ATXN8OS: variants seen among roughly 807,000 people sequenced by gnomAD.
ATXN8OS encodes the protein ATXN8 opposite strand (non-protein coding).
chr13:70,162,964 T>C (rs1320347373), intron 4 of ATXN8OS, among the ~76,000 whole-genome samples: 1 of 152,180 alleles, frequency 6.6e-6, no homozygotes, highest in South Asian at 2.1e-4. Flanking sequence ...TCATAGCAAG[T>C]TGATGTTGGC....
chr13:70,107,652 T>G, upstream of ATXN8OS: 1 of 1,545,552 alleles, frequency 6.5e-7, no homozygotes, highest in South Asian at 1.3e-5. Flanking sequence ...TCCAGCGGAG[T>G]CGCAGAATGT....
At chr13:70,116,158 T>TA (rs5804476) in intron 2 of ATXN8OS, among the ~76,000 whole-genome samples, 20 of 147,386 alleles carry the variant, frequency 1.4e-4, no homozygotes, top group South Asian at 4.3e-4. Context: ...GTGTATCAGT[T>TA]AAAAAAAAAA....
intron 3 of ATXN8OS, among the ~76,000 whole-genome samples, chr13:70,147,067 T>C (rs1332614258): frequency 6.6e-6 from 1 of 152,162 alleles, no homozygotes; most frequent in African/African-American, 2.4e-5. Flanking sequence ...TGCCTTCTTT[T>C]GGATATGTTT....
At chr13:70,157,932 A>T (rs1390869854) in intron 4 of ATXN8OS, among the ~76,000 whole-genome samples, 1 of 152,192 alleles carries the variant, frequency 6.6e-6, no homozygotes, top group African/African-American at 2.4e-5. Flanking sequence ...CAATTAGTAC[A>T]TGCAGGAAAT....
At chr13:70,139,305 A>G (rs1182582580) in intron 3 of ATXN8OS, 1 of 553,688 alleles carries the variant, frequency 1.8e-6, no homozygotes, top group Non-Finnish European at 3.2e-6. Context: ...CCCTATTCCC[A>G]ATTCCTTGGC....
intron 4 of ATXN8OS, among the ~76,000 whole-genome samples, chr13:70,167,155 C>T (rs1353901222): frequency 6.6e-6 from 1 of 151,984 alleles, no homozygotes; most frequent in Non-Finnish European, 1.5e-5. Flanking sequence ...ACCCAGCCAT[C>T]CCATTACTGG....
intron 3 of ATXN8OS, among the ~76,000 whole-genome samples, chr13:70,143,651 A>G (rs1179668893): frequency 6.6e-6 from 1 of 152,062 alleles, no homozygotes; most frequent in Non-Finnish European, 1.5e-5. Flanking sequence ...TGGGTACCTC[A>G]CCTCTGTTTT....
intron 4 of ATXN8OS, among the ~76,000 whole-genome samples, chr13:70,152,522 A>G (rs2137499867): frequency 6.6e-6 from 1 of 151,886 alleles, no homozygotes; most frequent in African/African-American, 2.4e-5. Context: ...TGTTGTATTG[A>G]AGTTATTTGG....
At chr13:70,165,528 C>T (rs758351407) in intron 4 of ATXN8OS, among the ~76,000 whole-genome samples, 2 of 151,916 alleles carry the variant, frequency 1.3e-5, no homozygotes, top group Non-Finnish European at 2.9e-5. Context: ...TTCCGGCAAA[C>T]ATGACTCAAA....
chr13:70,148,479 C>A (rs1888819721), intron 4 of ATXN8OS, among the ~76,000 whole-genome samples: 2 of 152,056 alleles, frequency 1.3e-5, no homozygotes, highest in African/African-American at 4.8e-5. Context: ...ATGTTCAACA[C>A]CACCTGTCTC....
intron 2 of ATXN8OS, among the ~76,000 whole-genome samples, chr13:70,118,259 T>C (rs916038847): frequency 2.0e-5 from 3 of 152,092 alleles, no homozygotes; most frequent in African/African-American, 7.2e-5. Context: ...GGCAATAGTC[T>C]GTAAGGAACT....
intron 3 of ATXN8OS, chr13:70,130,916 T>A (rs1216659030): frequency 2.5e-6 from 1 of 398,300 alleles, no homozygotes; most frequent in Non-Finnish European, 4.4e-6. Context: ...GATAAATCTC[T>A]CATGTTAACT....
intron 4 of ATXN8OS, among the ~76,000 whole-genome samples, chr13:70,162,291 T>G (rs1434121232): frequency 6.6e-6 from 1 of 152,012 alleles, no homozygotes; most frequent in East Asian, 1.9e-4. Flanking sequence ...GACGCAGAAT[T>G]CAGCACCTCA....
rs79919543 is a variant in ATXN8OS, at chr13:70,120,572, T to C, written n.398+5274T>C. On this transcript the variant is annotated intron_variant and non_coding_transcript_variant, in intron 2 of 4. Coordinates refer to ENST00000678624, the Ensembl canonical transcript of ATXN8OS. ...CTATAAAGCAAGCTTCCACTATCCA[T>C]ACAGAGCTTGCACTTTATTTAGTGA... 4.6e-3 allele frequency among the ~76,000 whole-genome samples: 693 copies of C among 152,242 alleles called. 9 individuals are homozygous for C. The highest frequency in any genetic ancestry group is 0.015 in the African/African-American group (636 of 41,548).
chr13:70,139,597 T>C (rs1888678488), intron 3 of ATXN8OS, among the ~76,000 whole-genome samples: 1 of 152,156 alleles, frequency 6.6e-6, no homozygotes, highest in African/African-American at 2.4e-5. Flanking sequence ...AGTTGCTCTC[T>C]CTTGTGCATT....
intron 2 of ATXN8OS, among the ~76,000 whole-genome samples, chr13:70,124,607 C>T (rs1023077915): frequency 2.0e-5 from 3 of 152,058 alleles, no homozygotes; most frequent in Non-Finnish European, 4.4e-5. Context: ...AAATGAATGA[C>T]TCAGTTAACT....
At chr13:70,129,712 A>T (rs4884877) in intron 2 of ATXN8OS, 91,501 of 397,678 alleles carry the variant, frequency 0.23, 10,893 homozygotes, top group Admixed American at 0.29. Context: ...ATCTGTACAG[A>T]CTAGCAAAAT....
intron 4 of ATXN8OS, among the ~76,000 whole-genome samples, chr13:70,160,281 T>C (rs1566618580): frequency 6.6e-6 from 1 of 151,630 alleles, no homozygotes; most frequent in Non-Finnish European, 1.5e-5. Context: ...TACCCTAATG[T>C]TTCATGACAT....
chr13:70,132,080 T>C (rs957783590), intron 3 of ATXN8OS, among the ~76,000 whole-genome samples: 1 of 152,160 alleles, frequency 6.6e-6, no homozygotes, highest in African/African-American at 2.4e-5. Context: ...ATAGCATTCA[T>C]GTTAAAATTT....
Sources: gnomAD v4.1 joint callset for allele counts (sites outside exome capture counted in the v4.1 genomes callset) on GRCh38, gnomAD v4.1.1 for gene constraint, MANE v1.5 for transcripts, NCBI Gene and HGNC (gene_info 2026-07-23, HGNC 2026-07-21) for gene names.